Variants in EEFSEC observed in about 807,000 individuals in gnomAD.
The protein encoded by EEFSEC is eukaryotic elongation factor, selenocysteine-tRNA specific.
In EEFSEC, 43 loss-of-function variants were observed where a neutral mutation model predicts 42.1. The observed-to-expected ratio is 1.02, with a 90% CI of 0.80 to 1.32. The LOEUF (loss-of-function observed/expected upper bound fraction) is 1.32. Among genes scored for constraint, EEFSEC ranks in the 40% most tolerant of loss-of-function variants. EEFSEC has a pLI of 0.00. For synonymous variants in EEFSEC, 354 were observed against 339.1 expected, an observed-to-expected ratio of 1.04 and a Z score of -0.48; for missense variants, 745 against 803.6, an observed-to-expected ratio of 0.93 and a Z score of 0.88.
chr3:128,327,067 G>C (rs1466282410), intron 4 of EEFSEC, among the ~76,000 whole-genome samples: 2 of 152,174 alleles, frequency 1.3e-5, no homozygotes, highest in Non-Finnish European at 2.9e-5. Flanking sequence ...ACTACACACA[G>C]AGCTACCACA....
chr3:128,348,253 CGTGT>C (rs761445739), intron 5 of EEFSEC, among the ~76,000 whole-genome samples: 3 of 101,924 alleles, frequency 2.9e-5, no homozygotes, highest in South Asian at 3.3e-4. Flanking sequence ...AGTGTGCATG[CGTGT>C]GTGTGTGTGT....
At chr3:128,383,440 G>T (rs2067800129) in intron 6 of EEFSEC, among the ~76,000 whole-genome samples, 1 of 152,256 alleles carries the variant, frequency 6.6e-6, no homozygotes, top group South Asian at 2.1e-4. Flanking sequence ...TCTGTTATAT[G>T]AACTCACTTG....
intron 2 of EEFSEC, among the ~76,000 whole-genome samples, chr3:128,250,910 G>GGTT (rs2066178671): frequency 2.9e-5 from 1 of 34,530 alleles, no homozygotes; most frequent in South Asian, 9.1e-4. Flanking sequence ...AGTTTTTTTT[G>GGTT]GTTTTTTTTT....
chr3:128,159,151 C>G (rs556306483), intron 1 of EEFSEC, among the ~76,000 whole-genome samples: 3 of 152,238 alleles, frequency 2.0e-5, no homozygotes, highest in African/African-American at 4.8e-5. Context: ...AGTGCCTGCT[C>G]GGGCCCAGGC....
intron 5 of EEFSEC, among the ~76,000 whole-genome samples, chr3:128,357,849 A>G (rs1553759587): frequency 7.2e-6 from 1 of 138,940 alleles, no homozygotes; most frequent in African/African-American, 3.0e-5. Flanking sequence ...AGCTACTTCT[A>G]TCCCCTGTGC....
At chr3:128,159,453 T>C (rs1397243062) in intron 1 of EEFSEC, among the ~76,000 whole-genome samples, 3 of 152,258 alleles carry the variant, frequency 2.0e-5, no homozygotes, top group African/African-American at 7.2e-5. Flanking sequence ...CTCTGATTCA[T>C]TCTCTGCACA....
intron 5 of EEFSEC, among the ~76,000 whole-genome samples, chr3:128,350,149 C>T (rs1016150759): frequency 6.6e-6 from 1 of 152,254 alleles, no homozygotes; most frequent in East Asian, 1.9e-4. Context: ...AAGTCTGAAG[C>T]GGCGCTGCCT....
intron 4 of EEFSEC, among the ~76,000 whole-genome samples, chr3:128,267,486 G>C (rs1005098479): frequency 6.6e-6 from 1 of 152,212 alleles, no homozygotes; most frequent in African/African-American, 2.4e-5. Flanking sequence ...GCAATGTACT[G>C]AGACATTTGG....
intron 6 of EEFSEC, among the ~76,000 whole-genome samples, chr3:128,397,290 G>C (rs760415990): frequency 2.0e-5 from 3 of 152,228 alleles, no homozygotes; most frequent in Non-Finnish European, 4.4e-5. Flanking sequence ...TCTCAGGCCC[G>C]TGGCAGGGTG....
chr3:128,326,512 TATG>T lies in EEFSEC; in HGVS notation c.787-14720_787-14718del, dbSNP rs2067065490. Reference sequence around the variant, plus strand: ...GGTTGGGCATTCTGGCTTCTCATCTTATGGTGGTGGCTTCCAGGTGTTGCTGGG... The same window carrying T: ...GGTTGGGCATTCTGGCTTCTCATCTTGTGGTGGCTTCCAGGTGTTGCTGGG... On this transcript the variant is annotated intron_variant, in intron 4 of 6. Coordinates refer to ENST00000254730, the MANE Select transcript of EEFSEC (RefSeq NM_021937.5). Among the ~76,000 whole-genome samples, 5 of 152,156 alleles carry T rather than the reference TATG, an allele frequency of 3.3e-5. 1 individual carries two copies. In the South Asian group the frequency reaches 1.0e-3, roughly 32 times the overall value.
downstream of EEFSEC, among the ~76,000 whole-genome samples, chr3:128,413,364 C>T (rs929260377): frequency 6.6e-6 from 1 of 152,176 alleles, no homozygotes; most frequent in Non-Finnish European, 1.5e-5. Context: ...GGAGACCCTG[C>T]CCGCATCCCA....
intron 4 of EEFSEC, among the ~76,000 whole-genome samples, chr3:128,323,013 A>G (rs116143266): frequency 0.015 from 2,266 of 152,310 alleles, 56 homozygotes; most frequent in African/African-American, 0.05. Context: ...TAACATGTTT[A>G]AAGTATTTCC....
At chr3:128,329,251 G>A (rs1010340353) in intron 4 of EEFSEC, among the ~76,000 whole-genome samples, 4 of 152,282 alleles carry the variant, frequency 2.6e-5, no homozygotes, top group African/African-American at 9.6e-5. Flanking sequence ...TGATGCTCTG[G>A]TGCCAGCAGC....
intron 6 of EEFSEC, among the ~76,000 whole-genome samples, chr3:128,372,355 C>T (rs151080457): frequency 1.8e-4 from 28 of 152,278 alleles, no homozygotes; most frequent in African/African-American, 6.5e-4. Context: ...ATACTCCATG[C>T]CCTGGACTGC....
chr3:128,300,540 T>G (rs1484488467), intron 4 of EEFSEC, among the ~76,000 whole-genome samples: 2 of 62,762 alleles, frequency 3.2e-5, no homozygotes, highest in Non-Finnish European at 5.7e-5. Context: ...AGACTCTGTC[T>G]GAAAAAAAAA....
intron 1 of EEFSEC, among the ~76,000 whole-genome samples, chr3:128,191,211 G>A (rs541301215): frequency 7.9e-5 from 12 of 152,174 alleles, no homozygotes; most frequent in Non-Finnish European, 1.6e-4. Flanking sequence ...GCCATGTCGT[G>A]GTTTCATCTA....
At chr3:128,411,064 G>GCCCGGCAT (rs1356570928), downstream of EEFSEC, among the ~76,000 whole-genome samples, 1 of 152,228 alleles carries the variant, frequency 6.6e-6, no homozygotes, top group African/African-American at 2.4e-5. Context: ...CCTCTATCAG[G>GCCCGGCAT]CCCGGCATCG....
intron 1 of EEFSEC, among the ~76,000 whole-genome samples, chr3:128,170,529 A>G (rs937726483): frequency 5.3e-5 from 8 of 152,008 alleles, no homozygotes; most frequent in Non-Finnish European, 1.0e-4. Flanking sequence ...TTGGGATACC[A>G]GTTTGGTCTT....
chr3:128,417,423 T>C, the EEFSEC span, among the ~76,000 whole-genome samples: 1 of 151,930 alleles, frequency 6.6e-6, no homozygotes, highest in Admixed American at 6.5e-5. This position sits in a 1 kb window ranked among gnomAD's most constrained non-coding sequence, Gnocchi z 4.3. Context: ...TGCCCCCAGC[T>C]TGCTCCCCAC....
Sources: allele counts gnomAD v4.1 joint callset (sites outside exome capture counted in the v4.1 genomes callset), GRCh38; gene constraint gnomAD v4.1.1; non-coding constraint Gnocchi (gnomAD v3.1); transcripts MANE v1.5; gene names NCBI Gene and HGNC (gene_info 2026-07-23, HGNC 2026-07-21).